The following GRK3 variants were observed in gnomAD, a reference collection of about 807,000 sequenced individuals.
The protein encoded by GRK3 is G protein-coupled receptor kinase 3.
A neutral mutation model predicts 95.7 loss-of-function variants in GRK3; 54 were observed. The ratio of observed to expected loss-of-function variants is 0.56; its 90% CI spans 0.45 to 0.71. The LOEUF (loss-of-function observed/expected upper bound fraction) is 0.71, where lower values mean the gene tolerates loss of function less well. GRK3 is among the 30% of genes least tolerant of loss of function. The pLI, the probability that GRK3 is intolerant of heterozygous loss-of-function variation, is 0.00. For missense variants in GRK3, 649 were observed against 851.2 expected, an observed-to-expected ratio of 0.76 and a Z score of 2.96; for synonymous variants, 281 against 290.8, an observed-to-expected ratio of 0.97 and a Z score of 0.34.
chr22:25,662,738 T>A (rs1445571424), intron 4 of GRK3, among the ~76,000 whole-genome samples: 1 of 152,220 alleles, frequency 6.6e-6, no homozygotes, highest in East Asian at 1.9e-4. Flanking sequence ...GAATGCCAGA[T>A]GTTCAATGGG....
intron 15 of GRK3, among the ~76,000 whole-genome samples, chr22:25,705,251 C>T (rs2085291031): frequency 6.6e-6 from 1 of 152,170 alleles, no homozygotes; most frequent in Admixed American, 6.6e-5. Flanking sequence ...ATTTTGAGCT[C>T]CTCTTTTGCT....
intron 13 of GRK3, among the ~76,000 whole-genome samples, chr22:25,701,533 A>C (rs1601537468): frequency 1.3e-5 from 2 of 152,292 alleles, no homozygotes; most frequent in South Asian, 4.1e-4. Flanking sequence ...AATGGGGCCC[A>C]TGTGCTGGAA....
At chr22:25,630,705 G>T (rs2084658368) in intron 2 of GRK3, among the ~76,000 whole-genome samples, 1 of 152,078 alleles carries the variant, frequency 6.6e-6, no homozygotes, top group Non-Finnish European at 1.5e-5. Flanking sequence ...ATTTCCATTT[G>T]TGCTTTTGTC....
In GRK3 at chr22:25,589,042, A is replaced by T. The variant is rs139528617; in HGVS notation, c.114-15335A>T. Among the ~76,000 whole-genome samples the T allele has an allele frequency of 9.6e-3, 1,468 of 152,272 alleles. 19 individuals carry two copies. The highest frequency in any genetic ancestry group is 0.011 in the Non-Finnish European group (738 of 68,018). ...TGCCTCAGCCTCCCGAAGAGCTGAG[A>T]TTATAGAGCCACCAAGCCCACTCAC... On this transcript the variant is annotated intron_variant, in intron 1 of 20. Coordinates refer to ENST00000324198, the MANE Select transcript of GRK3 (RefSeq NM_005160.4).
At chr22:25,722,248 G>C (rs764073030) in intron 20 of GRK3, 41 bp from the exon 21 acceptor site, 1 of 1,605,910 alleles carries the variant, frequency 6.2e-7, no homozygotes, top group Non-Finnish European at 8.5e-7. Context: ...TGGCAAAATG[G>C]GTGAGCCTGT....
Position 25,722,393 on chromosome 22 carries a change from AGGTACTGT to A in GRK3, c.2013_2020del (p.Thr672AlafsTer39). 1 of 1,614,212 alleles carries A rather than the reference AGGTACTGT, an allele frequency of 6.2e-7. No homozygotes were observed. The highest frequency in any genetic ancestry group is 8.5e-7 in the Non-Finnish European group (1 of 1,180,032). Reference sequence around the variant, plus strand: ...CGAAGTTCCTCAACAAACCTCGGTCAGGTACTGTGGAGCTCCCAAAGCCATCCCTCTGT... The same window carrying A: ...CGAAGTTCCTCAACAAACCTCGGTCAGGAGCTCCCAAAGCCATCCCTCTGT... On this transcript the variant is annotated frameshift_variant, in exon 21 of 21. Coordinates refer to ENST00000324198, the MANE Select transcript of GRK3 (RefSeq NM_005160.4). LOFTEE classifies it high-confidence loss of function.
chr22:25,713,394 T>G (rs979998313), intron 17 of GRK3, among the ~76,000 whole-genome samples: 10 of 152,178 alleles, frequency 6.6e-5, no homozygotes, highest in Non-Finnish European at 1.5e-4. Context: ...ATCAACAGAT[T>G]ATTATAATAG....
chr22:25,728,783 A>C lies in GRK3; in HGVS notation c.*6333A>C, dbSNP rs999743298. 1 of 152,148 alleles carries C rather than the reference A, an allele frequency of 6.6e-6. No homozygotes were observed. Among genetic ancestry groups the C allele is most frequent in the Non-Finnish European group, 1.5e-5 (1 of 68,024 alleles). The allele number at this position is 152,148 out of a possible 1,614,324, so 9.4% of individuals were successfully genotyped here. A position where few individuals can be genotyped will look rare whatever the true frequency, so the allele number is the denominator to read the frequency against. ...GGTAAGCGCCCTCATACATGACTGAAACTTTGTGAGAGGTCTTATATTTGA... is the reference window on the plus strand; with the variant it reads ...GGTAAGCGCCCTCATACATGACTGACACTTTGTGAGAGGTCTTATATTTGA... On this transcript the variant is annotated 3_prime_UTR_variant, in exon 21 of 21. Transcript: ENST00000324198.
chr22:25,678,582 A>G (rs1023082549), intron 8 of GRK3, among the ~76,000 whole-genome samples: 1 of 152,272 alleles, frequency 6.6e-6, no homozygotes, highest in Non-Finnish European at 1.5e-5. Context: ...TTTATCATTT[A>G]TTTAACTGGG....
intron 2 of GRK3, among the ~76,000 whole-genome samples, chr22:25,613,731 A>G (rs1252681839): frequency 6.6e-6 from 1 of 152,202 alleles, no homozygotes; most frequent in Non-Finnish European, 1.5e-5. Context: ...GTTGGACTAA[A>G]CAAGTCTGGG....
chr22:25,707,369 C>T (rs2085307998), intron 15 of GRK3, among the ~76,000 whole-genome samples: 1 of 152,172 alleles, frequency 6.6e-6, no homozygotes, highest in Non-Finnish European at 1.5e-5. Context: ...TAAAAATGCA[C>T]AAGGATATGC....
rs555761284 is a variant in GRK3 at position 25,728,509 on chromosome 22, A to G, written c.*6059A>G. ...CCTCCCATGTCATTAGTAATCCTTTAGGATTTAAGGTACAACTGGACAGCA... is the reference window on the plus strand; with the variant it reads ...CCTCCCATGTCATTAGTAATCCTTTGGGATTTAAGGTACAACTGGACAGCA... On this transcript the variant is annotated 3_prime_UTR_variant, in exon 21 of 21. Coordinates refer to ENST00000324198, the MANE Select transcript of GRK3 (RefSeq NM_005160.4). 1.3e-5 allele frequency: 2 copies of G among 152,302 alleles called. No individual in the cohort carries two copies. The highest frequency in any genetic ancestry group is 4.8e-5 in the African/African-American group (2 of 41,566). The allele number at this position is 152,302 out of a possible 1,614,324, so 9.4% of individuals were successfully genotyped here.
intron 4 of GRK3, among the ~76,000 whole-genome samples, chr22:25,663,160 C>T (rs1362883856): frequency 2.6e-5 from 4 of 152,154 alleles, no homozygotes; most frequent in Admixed American, 6.5e-5. Flanking sequence ...GGACTACAGG[C>T]GCACACCACC....
At chr22:25,614,746 C>T (rs1305158249) in intron 2 of GRK3, among the ~76,000 whole-genome samples, 1 of 152,128 alleles carries the variant, frequency 6.6e-6, no homozygotes, top group African/African-American at 2.4e-5. Flanking sequence ...TTTTTATTTC[C>T]TATATAATAA....
intron 1 of GRK3, among the ~76,000 whole-genome samples, chr22:25,594,993 A>G (rs968248100): frequency 6.6e-6 from 1 of 152,192 alleles, no homozygotes; most frequent in Non-Finnish European, 1.5e-5. Context: ...AAAATCCTGA[A>G]CAAACTAGAT....
chr22:25,621,699 T>A (rs750528455), intron 2 of GRK3, among the ~76,000 whole-genome samples: 4 of 152,200 alleles, frequency 2.6e-5, no homozygotes, highest in Non-Finnish European at 4.4e-5. Context: ...TTGATGAAAC[T>A]CTATTCCACA....
chr22:25,590,319 T>A (rs1469467897), intron 1 of GRK3, among the ~76,000 whole-genome samples: 12 of 151,874 alleles, frequency 7.9e-5, no homozygotes, highest in South Asian at 4.2e-4. Context: ...TTTTTTTTTT[T>A]AAAGAATACT....
intron 3 of GRK3, among the ~76,000 whole-genome samples, chr22:25,655,613 A>C (rs1054385024): frequency 6.6e-6 from 1 of 152,046 alleles, no homozygotes; most frequent in Admixed American, 6.6e-5. Context: ...CATCTGGACC[A>C]TTATTTGACT....
intron 3 of GRK3, chr22:25,647,472 T>C: frequency 7.5e-7 from 1 of 1,339,216 alleles, no homozygotes; most frequent in Non-Finnish European, 1.1e-6. Flanking sequence ...GTAACACCTT[T>C]TGGAGGTGGG....
Sources: gnomAD v4.1 joint callset for allele counts (sites outside exome capture counted in the v4.1 genomes callset) on GRCh38, gnomAD v4.1.1 for gene constraint, MANE v1.5 for transcripts, NCBI Gene and HGNC (gene_info 2026-07-23, HGNC 2026-07-21) for gene names.